Variants in TXNRD2 observed in about 807,000 individuals in gnomAD.
The protein encoded by TXNRD2 is thioredoxin reductase 2, also known as thioredoxin reductase 2, mitochondrial.
A neutral mutation model predicts 70.8 loss-of-function variants in TXNRD2; 67 were observed. The observed-to-expected ratio is 0.95, with a 90% CI of 0.78 to 1.16. The LOEUF is 1.16. Ranked by LOEUF, TXNRD2 falls within the 50% of genes most tolerant of loss-of-function variation. TXNRD2 has a pLI of 0.00. For missense variants in TXNRD2, 644 were observed against 719.9 expected, an observed-to-expected ratio of 0.89 and a Z score of 1.21; for synonymous variants, 301 against 295.8, an observed-to-expected ratio of 1.02 and a Z score of -0.18.
chr22:19,939,500 T>C (rs1941630789), intron 1 of TXNRD2, among the ~76,000 whole-genome samples: 2 of 152,186 alleles, frequency 1.3e-5, no homozygotes, highest in African/African-American at 4.8e-5. Flanking sequence ...TACACAAAAT[T>C]ATTCTTATTG....
chr22:19,932,819 C>G (rs1022364360), intron 1 of TXNRD2, among the ~76,000 whole-genome samples: 1 of 152,200 alleles, frequency 6.6e-6, no homozygotes, highest in Non-Finnish European at 1.5e-5. Flanking sequence ...CAAGGCTGGG[C>G]AACCTGCCCA....
intron 2 of TXNRD2, 45 bp downstream of exon 2, chr22:19,930,985 C>A (rs376546148): frequency 1.2e-4 from 185 of 1,579,432 alleles, no homozygotes; most frequent in Non-Finnish European, 1.5e-4. Flanking sequence ...CTCTAGGGGC[C>A]CTAAAAGCTT....
intron 8 of TXNRD2, chr22:19,903,064 G>C: frequency 1.9e-6 from 1 of 518,258 alleles, no homozygotes; most frequent in Non-Finnish European, 3.9e-6. Flanking sequence ...AGGACAGACA[G>C]CAGCAGGCTG....
intron 1 of TXNRD2, 21 bp from the exon 2 acceptor site, chr22:19,931,119 T>C (rs762059579): frequency 6.2e-6 from 10 of 1,610,016 alleles, no homozygotes; most frequent in Middle Eastern, 3.3e-4. Flanking sequence ...GGATGAGAGG[T>C]GGGACGGACT....
At chr22:19,878,462 A>C (rs778027045) in intron 14 of TXNRD2, 25 bp from the exon 15 acceptor site, 2 of 1,610,370 alleles carry the variant, frequency 1.2e-6, no homozygotes, top group Non-Finnish European at 1.7e-6. Context: ...CCAACCCTGG[A>C]TCAGTGCTGC....
chr22:19,937,887 C>G (rs1485955146), intron 1 of TXNRD2: 1 of 152,172 alleles, frequency 6.6e-6, no homozygotes, highest in African/African-American at 2.4e-5. Context: ...AGTCCCAGGC[C>G]CCAATATCAA....
At chr22:19,883,030 C>A (rs144804774) in intron 12 of TXNRD2, among the ~76,000 whole-genome samples, 1 of 152,246 alleles carries the variant, frequency 6.6e-6, no homozygotes, top group Non-Finnish European at 1.5e-5. Flanking sequence ...TTGAGGCCTG[C>A]GTGCAGAGCT....
At chr22:19,908,942 C>T (rs1940192273) in intron 8 of TXNRD2, among the ~76,000 whole-genome samples, 1 of 152,144 alleles carries the variant, frequency 6.6e-6, no homozygotes, top group Non-Finnish European at 1.5e-5. Context: ...TGGTGGCTCA[C>T]CCCTGTAATC....
chr22:19,914,651 G>A lies in TXNRD2; in HGVS notation c.591+563C>T, dbSNP rs530566947. On this transcript the variant is annotated intron_variant, in intron 7 of 17. Transcript: ENST00000400521. ...GTTTCTAGGGGCTGGGGGAGGAGGC[G>A]CTGGGGAGTAGGGTTTAATGGGAAT... 2.3e-4 allele frequency among the ~76,000 whole-genome samples: 35 copies of A among 152,112 alleles called. No homozygotes were observed. In the South Asian group the frequency reaches 6.0e-3, roughly 26 times the overall value.
rs777706603 is a variant in TXNRD2 at position 19,877,072 on chromosome 22, C to T, written c.*33G>A. On this transcript the variant is annotated 3_prime_UTR_variant, in exon 17 of 18. Transcript: ENST00000400521. ...TGGCCTCCGAGGAGCTGGCGGCGGG[C>T]GCACCGTGTGCCCTGGCCTGCAGGG... is the stretch of plus-strand genomic sequence containing the variant. 92 of 1,575,040 alleles carry T rather than the reference C, an allele frequency of 5.8e-5. 1 individual carries two copies. The highest frequency in any genetic ancestry group is 5.0e-4 in the East Asian group (22 of 43,896).
intron 12 of TXNRD2, 82 bp from the exon 13 acceptor site, chr22:19,880,799 G>T: frequency 1.1e-6 from 1 of 939,714 alleles, no homozygotes; most frequent in Non-Finnish European, 1.7e-6. Context: ...TTTGCCCTCC[G>T]AGTGGGCATC....
chr22:19,922,542 T>C (rs1940956036), intron 2 of TXNRD2, among the ~76,000 whole-genome samples: 1 of 152,182 alleles, frequency 6.6e-6, no homozygotes, highest in African/African-American at 2.4e-5. Context: ...TCCCAGACCT[T>C]TGGGTCCCTT....
chr22:19,909,394 CA>C (rs1214058528), intron 8 of TXNRD2, among the ~76,000 whole-genome samples: 3 of 151,904 alleles, frequency 2.0e-5, no homozygotes, highest in African/African-American at 7.3e-5. Context: ...AGAGAAAGGT[CA>C]AAGGAACTAT....
chr22:19,890,148 C>T (rs1421969009), intron 11 of TXNRD2, among the ~76,000 whole-genome samples: 1 of 152,190 alleles, frequency 6.6e-6, no homozygotes, highest in African/African-American at 2.4e-5. Flanking sequence ...GTTAGCACCA[C>T]CATGAGCTAG....
At chr22:19,886,405 G>A (rs1939036090) in intron 11 of TXNRD2, among the ~76,000 whole-genome samples, 1 of 152,274 alleles carries the variant, frequency 6.6e-6, no homozygotes, top group Admixed American at 6.5e-5. Flanking sequence ...CAGCCAATCA[G>A]GCGTCCTAGG....
At chr22:19,909,510 CA>C (rs1940222133) in intron 8 of TXNRD2, among the ~76,000 whole-genome samples, 1 of 148,888 alleles carries the variant, frequency 6.7e-6, no homozygotes, top group African/African-American at 2.5e-5. Flanking sequence ...CACACACACA[CA>C]CACCACTCAC....
chr22:19,900,037 C>A (rs1317430204), intron 8 of TXNRD2, among the ~76,000 whole-genome samples: 1 of 152,216 alleles, frequency 6.6e-6, no homozygotes, highest in Non-Finnish European at 1.5e-5. Context: ...AATTCCATTT[C>A]AAAACACGGT....
intron 2 of TXNRD2, among the ~76,000 whole-genome samples, chr22:19,924,050 G>A (rs184643065): frequency 1.3e-5 from 2 of 151,544 alleles, no homozygotes; most frequent in Admixed American, 6.6e-5. Flanking sequence ...CCAGGCACTG[G>A]TGTGCAGCGG....
intron 11 of TXNRD2, chr22:19,894,945 G>C: frequency 7.3e-7 from 1 of 1,377,584 alleles, no homozygotes; most frequent in East Asian, 2.8e-5. Context: ...ACTCCAGCCT[G>C]GGCGACAGAG....
Sources: gnomAD v4.1 joint callset for allele counts (sites outside exome capture counted in the v4.1 genomes callset) on GRCh38, gnomAD v4.1.1 for gene constraint, MANE v1.5 for transcripts, NCBI Gene and HGNC (gene_info 2026-07-23, HGNC 2026-07-21) for gene names.